MAP4K1: variants seen among roughly 807,000 people sequenced by gnomAD.
MAP4K1 encodes MAPK/ERK kinase kinase kinase 1.
Under a neutral mutation model 122.8 loss-of-function variants are expected in MAP4K1, and 35 were observed. That is an observed-to-expected ratio of 0.29 (90% CI 0.22 to 0.38). MAP4K1 has a LOEUF of 0.38. MAP4K1 is among the 10% of genes least tolerant of loss of function. MAP4K1 has a pLI of 1.00. For missense variants in MAP4K1, 791 were observed against 1,072.6 expected (o/e 0.74, Z 3.67); for synonymous variants, 412 against 421.3 (o/e 0.98, Z 0.27).
chr19:38,609,688 C>T lies in MAP4K1; in HGVS notation c.928-14G>A. On this transcript the variant is annotated splice_polypyrimidine_tract_variant and intron_variant, in intron 12 of 30. Coordinates refer to ENST00000396857, the MANE Select transcript of MAP4K1 (RefSeq NM_001042600.3). ...AGCAGGGGGTAGCTGGGCAGAGGGG[C>T]AGCCACGTCAGGGCTCAAGACCCCC... The T allele has an allele frequency of 6.2e-7, 1 of 1,604,760 alleles. No homozygotes were observed. Among genetic ancestry groups the T allele is most frequent in the Non-Finnish European group, 8.5e-7 (1 of 1,175,774 alleles).
rs199735368 is a variant in MAP4K1 at position 38,596,381 on chromosome 19, C to T, written c.2047G>A (p.Gly683Arg). The T allele has an allele frequency of 5.0e-6, 8 of 1,598,544 alleles. No homozygotes were observed. The Admixed American group carries it at 6.8e-5, about 14-fold the overall frequency. Residue 683 changes from glycine to arginine, a missense_variant, in exon 26 of 31, where the codon GGG becomes AGG. Physicochemically the swap from Gly to Arg is moderately radical, Grantham distance 125. Around this residue, in one of 4 missense-constraint regions of MAP4K1, gnomAD observed 267 missense variants for 323.0 expected, o/e 0.83. Transcript: ENST00000396857. ...ACCGTGTGGAAGAGCACCGACTTCC[C>T]CGGCCGCCCGGGGCTCACGCCGATG... The part of the protein sequence containing the change: ...VCIGVSPGRP[G>R]KSVLFHTVRF...
intron 19 of MAP4K1, 162 bp from the exon 20 acceptor site, chr19:38,601,687 T>C: frequency 1.7e-6 from 1 of 574,208 alleles, no homozygotes; most frequent in East Asian, 3.4e-5. Context: ...CACTTTTTCA[T>C]ACATTGAGTT....
intron 20 of MAP4K1, among the ~76,000 whole-genome samples, chr19:38,601,226 G>T (rs1975053943): frequency 6.6e-6 from 1 of 152,128 alleles, no homozygotes. Flanking sequence ...TGGGATTACA[G>T]GTGTGAGCCA....
Position 38,597,880 on chromosome 19 carries a change from C to G in MAP4K1, c.1670-286G>C, listed in dbSNP as rs1974937655. On this transcript the variant is annotated intron_variant, in intron 22 of 30. Coordinates refer to ENST00000396857, the MANE Select transcript of MAP4K1 (RefSeq NM_001042600.3). This position sits in a 1 kb window ranked among gnomAD's most constrained non-coding sequence, Gnocchi z 4.6. ...CGTATCAGAAACTCTGGACACATAACCAGTCAGATGAAGTTACACATCTTA... is the reference window on the plus strand; with the variant it reads ...CGTATCAGAAACTCTGGACACATAAGCAGTCAGATGAAGTTACACATCTTA... 6.6e-6 allele frequency among the ~76,000 whole-genome samples: 1 copy of G among 152,112 alleles called. No homozygotes were observed. Among genetic ancestry groups the G allele is most frequent in the Admixed American group, 6.6e-5 (1 of 15,238 alleles).
chr19:38,611,982 C>T (rs1395203216), intron 9 of MAP4K1, among the ~76,000 whole-genome samples: 1 of 151,744 alleles, frequency 6.6e-6, no homozygotes, highest in Admixed American at 6.6e-5. Context: ...CACCTGTAAT[C>T]CCACACTTGG....
chr19:38,600,038 C>G lies in MAP4K1; in HGVS notation c.1608+39G>C, dbSNP rs377546957. ...GTGACACCCCAGCAACCCCCGACTC[C>G]GGCCCTTGCCCTTGCCCTGGCCCGG... On this transcript the variant is annotated intron_variant, in intron 21 of 30. Coordinates refer to ENST00000396857, the MANE Select transcript of MAP4K1 (RefSeq NM_001042600.3). 8 of 1,614,044 alleles carry G rather than the reference C, an allele frequency of 5.0e-6. No individual in the cohort carries two copies. The Admixed American group carries it at 1.2e-4, about 24-fold the overall frequency.
intron 17 of MAP4K1, 113 bp from the exon 18 acceptor site, chr19:38,605,843 C>A: frequency 9.6e-7 from 1 of 1,043,514 alleles, no homozygotes; most frequent in South Asian, 1.5e-5. Flanking sequence ...GGCTCTGACC[C>A]ACCCCCCCGA....
At position 38,593,116 on chromosome 19, in the gene MAP4K1, C is replaced by T. The variant is rs561306482; in HGVS notation, c.2396+166G>A. Among the ~76,000 whole-genome samples the T allele has an allele frequency of 4.6e-5, 7 of 152,148 alleles. No individual in the cohort carries two copies. The East Asian group carries it at 5.8e-4, about 13-fold the overall frequency. ...ACAAAACAAAAAGAGAGAACGCCCC[C>T]GTGGCTGCAGTGCAGAGAACAGACT... On this transcript the variant is annotated intron_variant, in intron 30 of 30. Coordinates refer to ENST00000396857, the MANE Select transcript of MAP4K1 (RefSeq NM_001042600.3).
chr19:38,593,035 G>C (rs906781567), intron 30 of MAP4K1, among the ~76,000 whole-genome samples: 2 of 152,174 alleles, frequency 1.3e-5, no homozygotes, highest in Non-Finnish European at 2.9e-5. Context: ...GGGAGGTCAA[G>C]GCTGCAGTGA....
chr19:38,609,852 G>A, intron 12 of MAP4K1, 57 bp downstream of exon 12: 12 of 1,491,778 alleles, frequency 8.0e-6, no homozygotes, highest in Non-Finnish European at 9.3e-6. Context: ...CTGGCAGCAG[G>A]CACAGCCTGA....
chr19:38,617,320 G>T lies in MAP4K1; in HGVS notation c.248+34C>A, dbSNP rs1975676187. The T allele has an allele frequency of 1.4e-6, 2 of 1,477,786 alleles. No individual in the cohort carries two copies. The highest frequency in any genetic ancestry group is 1.9e-6 in the Non-Finnish European group (2 of 1,056,796). The allele number at this position is 1,477,786 out of a possible 1,614,324, so 91.5% of individuals were successfully genotyped here. A position where few individuals can be genotyped will look rare whatever the true frequency, so the allele number is the denominator to read the frequency against. On this transcript the variant is annotated intron_variant, in intron 3 of 30. Coordinates refer to ENST00000396857, the MANE Select transcript of MAP4K1 (RefSeq NM_001042600.3). This position sits in a 1 kb window ranked among gnomAD's most constrained non-coding sequence, Gnocchi z 4.1. ...AATGGGGACTCCGGGTTAGGGGCTG[G>T]GCTGGGTGCCAGGGTGGGTCTGAGG...
intron 30 of MAP4K1, among the ~76,000 whole-genome samples, chr19:38,588,983 C>A (rs1171263827): frequency 6.6e-6 from 1 of 151,830 alleles, no homozygotes; most frequent in Non-Finnish European, 1.5e-5. Flanking sequence ...TCCATGAGAC[C>A]ATGCTGGTAT....
At chr19:38,608,361 T>C (rs956114356) in intron 13 of MAP4K1, among the ~76,000 whole-genome samples, 191 bp from the exon 14 acceptor site, 5 of 151,962 alleles carry the variant, frequency 3.3e-5, no homozygotes, top group Non-Finnish European at 5.9e-5. Context: ...GGGGTCAAGT[T>C]TGGGATCAAG....
At chr19:38,596,063 C>G in intron 26 of MAP4K1, 62 bp from the exon 27 acceptor site, 16 of 1,525,388 alleles carry the variant, frequency 1.0e-5, no homozygotes, top group Non-Finnish European at 1.5e-5. Context: ...CACACCACCC[C>G]CAGAAGGCCA....
chr19:38,593,235 T>A (rs1381145599), intron 30 of MAP4K1, 47 bp downstream of exon 30: 10 of 1,574,470 alleles, frequency 6.4e-6, no homozygotes, highest in Non-Finnish European at 8.7e-6. Flanking sequence ...TCTCTTCACA[T>A]CAGAAGCCCC....
intron 4 of MAP4K1, 53 bp from the exon 5 acceptor site, chr19:38,614,498 G>T: frequency 6.2e-7 from 1 of 1,604,218 alleles, no homozygotes; most frequent in South Asian, 1.1e-5. Context: ...CAGGGAACCT[G>T]GGCTGGGGAG....
chr19:38,604,431 C>A (rs561275311), intron 19 of MAP4K1, among the ~76,000 whole-genome samples: 1 of 152,076 alleles, frequency 6.6e-6, no homozygotes, highest in Non-Finnish European at 1.5e-5. Context: ...CTCAAGCAAT[C>A]CTCCCACCTC....
At chr19:38,614,330 G>A (rs774856247) in intron 5 of MAP4K1, 38 bp from the exon 6 acceptor site, 1 of 1,614,086 alleles carries the variant, frequency 6.2e-7, no homozygotes, top group South Asian at 1.1e-5. Flanking sequence ...GTGAGTGTTT[G>A]GGGGCTGGAG....
In MAP4K1 at chr19:38,597,758, A is replaced by G. The variant is rs1336343296; in HGVS notation, c.1670-164T>C. ...TTCATTCATTTCTCACTCCACATAG[A>G]TTGAACGTCCATTGTAGGCCAGGCC... On this transcript the variant is annotated intron_variant, in intron 22 of 30. Transcript: ENST00000396857. This position sits in a 1 kb window ranked among gnomAD's most constrained non-coding sequence, Gnocchi z 4.6. Among the ~76,000 whole-genome samples, 2 of 152,072 alleles carry G rather than the reference A, an allele frequency of 1.3e-5. No homozygotes were observed. The highest frequency in any genetic ancestry group is 2.9e-5 in the Non-Finnish European group (2 of 68,014).
Sources: allele counts gnomAD v4.1 joint callset (sites outside exome capture counted in the v4.1 genomes callset), GRCh38; gene constraint gnomAD v4.1.1; regional missense constraint gnomAD v4.1.1; non-coding constraint Gnocchi (gnomAD v3.1); transcripts MANE v1.5; gene names NCBI Gene and HGNC (gene_info 2026-07-23, HGNC 2026-07-21).